The following STXBP5L variants were observed in gnomAD, a reference collection of about 807,000 sequenced individuals.
STXBP5L encodes syntaxin-binding protein 5-like.
Under a neutral mutation model 144.5 loss-of-function variants are expected in STXBP5L, and 65 were observed. The observed-to-expected ratio is 0.45, with a 90% CI of 0.37 to 0.55. The LOEUF (loss-of-function observed/expected upper bound fraction) is 0.55. STXBP5L is among the 20% of genes least tolerant of loss of function. The pLI is 0.00. For synonymous variants in STXBP5L, 505 were observed against 469.6 expected (o/e 1.08, Z -0.97); for missense variants, 1,298 against 1,405.5 (o/e 0.92, Z 1.22).
chr3:121,015,379 C>T (rs373437632), intron 3 of STXBP5L, among the ~76,000 whole-genome samples: 2 of 152,064 alleles, frequency 1.3e-5, no homozygotes, highest in African/African-American at 4.8e-5. Context: ...TTTTCTTGGA[C>T]CTATTAGAGA....
chr3:121,376,648 G>C (rs2046191952), intron 20 of STXBP5L, among the ~76,000 whole-genome samples: 1 of 152,178 alleles, frequency 6.6e-6, no homozygotes, highest in Non-Finnish European at 1.5e-5. Context: ...TTGTGGTATA[G>C]TTTGAAGTCA....
At chr3:120,992,150 T>C (rs1352118707) in intron 3 of STXBP5L, among the ~76,000 whole-genome samples, 4 of 152,120 alleles carry the variant, frequency 2.6e-5, no homozygotes, top group Admixed American at 6.6e-5. Context: ...AAAACTTATT[T>C]ATTTATTTAT....
At chr3:120,982,627 C>T (rs955733496) in intron 3 of STXBP5L, among the ~76,000 whole-genome samples, 6 of 152,208 alleles carry the variant, frequency 3.9e-5, no homozygotes, top group Non-Finnish European at 7.3e-5. Flanking sequence ...AGTAGAACCT[C>T]TTATCTCAGC....
intron 5 of STXBP5L, among the ~76,000 whole-genome samples, chr3:121,113,378 A>G (rs2044084286): frequency 6.6e-6 from 1 of 152,158 alleles, no homozygotes; most frequent in Admixed American, 6.5e-5. Flanking sequence ...TTGAAACATG[A>G]CCATCAAGTT....
At chr3:121,222,953 G>T (rs774824549) in intron 10 of STXBP5L, 50 bp from the exon 11 acceptor site, 2 of 1,545,194 alleles carry the variant, frequency 1.3e-6, no homozygotes, top group East Asian at 4.6e-5. Context: ...CTGTGACTTT[G>T]TGTCATTTTA....
In STXBP5L at chr3:120,964,880, C is replaced by A. The variant is rs1159181674; in HGVS notation, c.287+9843C>A. ...AATTTTGACAGTGGGGTGTTAAAAT[C>A]TCCCATTATTATTGTGTGGGAGTCT... On this transcript the variant is annotated intron_variant, in intron 3 of 26. Coordinates refer to ENST00000471454, the MANE Select transcript of STXBP5L (RefSeq NM_001308330.2). Among the ~76,000 whole-genome samples the A allele has an allele frequency of 1.0e-3, 158 of 152,118 alleles. 2 individuals are homozygous for A. The highest frequency in any genetic ancestry group is 2.4e-4 in the Non-Finnish European group (16 of 68,032).
rs558890220 is a variant in STXBP5L at position 121,350,454 on chromosome 3, G to A, written c.2177-28262G>A. 5.3e-5 allele frequency among the ~76,000 whole-genome samples: 8 copies of A among 152,094 alleles called. No individual in the cohort carries two copies. In the East Asian group the frequency reaches 1.2e-3, roughly 22 times the overall value. ...TATGTGTCTTGGAGTTGCTCTTCTC[G>A]AGGAGTATCTTTGTGGTGTTCTCTG... On this transcript the variant is annotated intron_variant, in intron 20 of 26. Transcript: ENST00000471454.
At chr3:121,349,138 G>A (rs149259938) in intron 20 of STXBP5L, among the ~76,000 whole-genome samples, 2,284 of 152,040 alleles carry the variant, frequency 0.015, 27 homozygotes, top group Middle Eastern at 0.027. Flanking sequence ...AATGTGTCCC[G>A]GAGATTCTGG....
intron 3 of STXBP5L, among the ~76,000 whole-genome samples, chr3:121,017,049 G>A (rs1945192077): frequency 6.6e-6 from 1 of 151,954 alleles, no homozygotes; most frequent in Admixed American, 6.6e-5. Context: ...CAAAATATTA[G>A]CAAATCAAAT....
At chr3:121,333,542 T>C (rs1418084683) in intron 20 of STXBP5L, among the ~76,000 whole-genome samples, 4 of 142,496 alleles carry the variant, frequency 2.8e-5, no homozygotes, top group South Asian at 2.3e-4. Context: ...CTGAAGGAGA[T>C]TGGGACACAC....
rs201145127 is a variant in STXBP5L, at chr3:121,418,391, G to A, written c.3281G>A (p.Gly1094Glu). The A allele has an allele frequency of 2.5e-6, 4 of 1,614,066 alleles. No homozygotes were observed. Among genetic ancestry groups the A allele is most frequent in the Non-Finnish European group, 3.4e-6 (4 of 1,179,970 alleles). ...CGCAGCCTTGCGCAACACATTCCTG[G>A]ACCAGGTAGTATAGAAGGGATGAAA... ...ASRSLAQHIP[G>E]PGSIEGMKGA... The change falls in exon 26 of 27, where the codon GGA (glycine) becomes GAA (glutamate). Residue 1094 changes from glycine (G) to glutamate (E), a missense_variant. Coordinates refer to ENST00000471454, the MANE Select transcript of STXBP5L (RefSeq NM_001308330.2).
At chr3:121,269,895 C>T (rs2050687697) in intron 18 of STXBP5L, among the ~76,000 whole-genome samples, 1 of 152,160 alleles carries the variant, frequency 6.6e-6, no homozygotes, top group African/African-American at 2.4e-5. Context: ...ACCAGTTGTA[C>T]ATTATTATTT....
At chr3:121,244,605 C>T (rs2049780984) in intron 14 of STXBP5L, among the ~76,000 whole-genome samples, 1 of 151,722 alleles carries the variant, frequency 6.6e-6, no homozygotes, top group Non-Finnish European at 1.5e-5. Flanking sequence ...AATATGAACC[C>T]AAAGAAGCTC....
chr3:121,308,053 T>G (rs1206941760), intron 19 of STXBP5L, among the ~76,000 whole-genome samples: 1 of 152,066 alleles, frequency 6.6e-6, no homozygotes. Context: ...ACGAAAAAAC[T>G]GTCATTCAAG....
At chr3:121,243,623 T>A (rs1351125224) in intron 14 of STXBP5L, among the ~76,000 whole-genome samples, 1 of 152,112 alleles carries the variant, frequency 6.6e-6, no homozygotes, top group Non-Finnish European at 1.5e-5. Context: ...CACTTGCAGC[T>A]ATAACATTTA....
At chr3:121,056,602 C>G (rs1576805261) in intron 5 of STXBP5L, among the ~76,000 whole-genome samples, 1 of 152,188 alleles carries the variant, frequency 6.6e-6, no homozygotes, top group East Asian at 1.9e-4. Flanking sequence ...GGCTTTGATT[C>G]TTTTCAAAGT....
chr3:121,387,531 G>T (rs1159652546), intron 22 of STXBP5L, among the ~76,000 whole-genome samples: 1 of 152,258 alleles, frequency 6.6e-6, no homozygotes, highest in East Asian at 1.9e-4. Flanking sequence ...GGTTTTTATG[G>T]TTTTAGGTTT....
chr3:121,046,562 T>G (rs1176427752), intron 5 of STXBP5L, among the ~76,000 whole-genome samples: 2 of 152,192 alleles, frequency 1.3e-5, no homozygotes, highest in African/African-American at 4.8e-5. Context: ...GTCCAGGGAT[T>G]CAATTTCTCC....
chr3:120,924,958 C>T (rs1709539995), intron 2 of STXBP5L: 1 of 152,520 alleles, frequency 6.6e-6, no homozygotes, highest in African/African-American at 2.4e-5. Flanking sequence ...GATCTGCCCA[C>T]CTCGGCCTCC....
Sources: gnomAD v4.1 joint callset for allele counts (sites outside exome capture counted in the v4.1 genomes callset) on GRCh38, gnomAD v4.1.1 for gene constraint, MANE v1.5 for transcripts, NCBI Gene and HGNC (gene_info 2026-07-23, HGNC 2026-07-21) for gene names.